Variants in CNNM2 observed in about 807,000 individuals in gnomAD.
CNNM2 encodes the protein cyclin and CBS domain divalent metal cation transport mediator 2.
In CNNM2, 12 loss-of-function variants were observed where a neutral mutation model predicts 66.9. The observed-to-expected ratio is 0.18, with a 90% confidence interval of 0.11 to 0.29. CNNM2 has a LOEUF of 0.29. Among genes scored for constraint, CNNM2 ranks in the 10% least tolerant of loss-of-function variants. The pLI is 1.00. For missense variants in CNNM2, 705 were observed against 1,167.7 expected (o/e 0.60, Z 5.77); for synonymous variants, 557 against 501.8 (o/e 1.11, Z -1.47).
chr10:103,044,834 A>G (rs1392115664), intron 1 of CNNM2, among the ~76,000 whole-genome samples: 1 of 152,212 alleles, frequency 6.6e-6, no homozygotes, highest in Non-Finnish European at 1.5e-5. Context: ...GGAAAACTTA[A>G]TTTTCAGTGT....
rs1358489792 is a variant in CNNM2 at position 103,077,718 on chromosome 10, TGAA to T, written c.*544_*546del. On this transcript the variant is annotated 3_prime_UTR_variant, in exon 8 of 8. Transcript: ENST00000369878. ...ATCACCGTCGATCTCGCTGGCTGAATGAAGAAGACCGTGTTACTGCAGAACCTG... is the reference window on the plus strand; with the variant it reads ...ATCACCGTCGATCTCGCTGGCTGAATGAAGACCGTGTTACTGCAGAACCTG... 1.9e-5 allele frequency: 3 copies of T among 157,810 alleles called. No homozygotes were observed. The highest frequency in any genetic ancestry group is 2.8e-5 in the Non-Finnish European group (2 of 71,236). The allele number at this position is 157,810 out of a possible 1,614,324, so 9.8% of individuals were successfully genotyped here.
chr10:103,041,260 G>C (rs1590444842), intron 1 of CNNM2, among the ~76,000 whole-genome samples: 3 of 152,132 alleles, frequency 2.0e-5, no homozygotes, highest in East Asian at 3.9e-4. Flanking sequence ...TAGTTTTCCA[G>C]GTATACACAA....
chr10:102,957,638 C>T (rs181593479), intron 1 of CNNM2, among the ~76,000 whole-genome samples: 3 of 152,306 alleles, frequency 2.0e-5, no homozygotes, highest in Admixed American at 6.5e-5. Flanking sequence ...TAACCTTTAT[C>T]TCAGGATTCC....
At chr10:102,971,834 T>C (rs2063551620) in intron 1 of CNNM2, among the ~76,000 whole-genome samples, 1 of 152,226 alleles carries the variant, frequency 6.6e-6, no homozygotes, top group Admixed American at 6.5e-5. Flanking sequence ...TTTTCTTTTT[T>C]TGGCCTATTT....
rs1000947566 is a variant in CNNM2, at chr10:103,081,357, C to T, written c.*4177C>T. 2.6e-5 allele frequency: 4 copies of T among 152,274 alleles called. No individual in the cohort carries two copies. The highest frequency in any genetic ancestry group is 9.7e-5 in the African/African-American group (4 of 41,428). 9.4% of individuals were successfully genotyped at this position (152,274 alleles called of 1,614,324 possible). A position where few individuals can be genotyped will look rare whatever the true frequency, so the allele number is the denominator to read the frequency against. ...GGGCCATGTAGTTCCATTCTGGGCT[C>T]TAGGCTAGTGGTGCTTCTGTCCATC... On this transcript the variant is annotated 3_prime_UTR_variant, in exon 8 of 8. Transcript: ENST00000369878.
At chr10:103,071,695 C>A (rs2065586173) in intron 5 of CNNM2, 79 bp from the exon 6 acceptor site, 3 of 1,052,470 alleles carry the variant, frequency 2.9e-6, no homozygotes, top group Non-Finnish European at 4.5e-6. Flanking sequence ...GAACAAGTAT[C>A]CCCTCCTGTC....
chr10:103,069,518 G>T (rs1309762837), intron 5 of CNNM2, among the ~76,000 whole-genome samples: 4 of 152,218 alleles, frequency 2.6e-5, no homozygotes, highest in African/African-American at 9.7e-5. Context: ...GAATGAGGTT[G>T]TTGCTATATA....
rs573070641 is a variant in CNNM2 at position 103,033,726 on chromosome 10, C to T, written c.1622-15981C>T. ...GGTCTCGAACTCCTAACCTTGTGAT[C>T]CGCCTGCCTCGGCCTCCCAAAGTGC... On this transcript the variant is annotated intron_variant, in intron 1 of 7. Coordinates refer to ENST00000369878, the MANE Select transcript of CNNM2 (RefSeq NM_017649.5). 6.6e-5 allele frequency among the ~76,000 whole-genome samples: 10 copies of T among 152,192 alleles called. No homozygotes were observed. The East Asian group carries it at 1.7e-3, about 27-fold the overall frequency.
intron 1 of CNNM2, among the ~76,000 whole-genome samples, chr10:103,016,676 T>C (rs905158916): frequency 1.3e-5 from 2 of 152,228 alleles, no homozygotes; most frequent in Admixed American, 6.5e-5. Context: ...ATTAACCAAT[T>C]CGATCCTGGT....
chr10:103,059,296 A>C (rs1199440427), intron 4 of CNNM2, among the ~76,000 whole-genome samples: 1 of 152,160 alleles, frequency 6.6e-6, no homozygotes, highest in Admixed American at 6.5e-5. Context: ...CAAGAGCACT[A>C]AATAAGAAAA....
intron 1 of CNNM2, among the ~76,000 whole-genome samples, chr10:102,976,725 C>G (rs2063640635): frequency 6.7e-6 from 1 of 148,376 alleles, no homozygotes; most frequent in East Asian, 2.0e-4. Context: ...ACCTTGGCCT[C>G]CCAAAGTGCT....
At chr10:102,931,716 A>G (rs907843349) in intron 1 of CNNM2, among the ~76,000 whole-genome samples, 1 of 152,140 alleles carries the variant, frequency 6.6e-6, no homozygotes, top group Non-Finnish European at 1.5e-5. Context: ...GCTGGATCAT[A>G]TGGTAATTCT....
At chr10:102,924,160 G>A (rs957888686) in intron 1 of CNNM2, among the ~76,000 whole-genome samples, 2 of 152,216 alleles carry the variant, frequency 1.3e-5, no homozygotes, top group African/African-American at 4.8e-5. Flanking sequence ...CTAGAGCAAT[G>A]TAGTGTAGGG....
intron 1 of CNNM2, among the ~76,000 whole-genome samples, chr10:102,955,735 A>G (rs1847010140): frequency 6.6e-6 from 1 of 152,260 alleles, no homozygotes; most frequent in Non-Finnish European, 1.5e-5. Flanking sequence ...GACACTTCTC[A>G]AAAGAAGACA....
Position 102,927,314 on chromosome 10 carries a change from TTG to T in CNNM2, c.1621+7215_1621+7216del, listed in dbSNP as rs753704645. 4 of 1,613,278 alleles carry T rather than the reference TTG, an allele frequency of 2.5e-6. No homozygotes were observed. The South Asian group carries it at 3.3e-5, about 13-fold the overall frequency. Reference sequence around the variant, plus strand: ...GGATTGAATACAGTTTTTTAAAGTATTGTCTTTTCATCTCTTTTTGTTTTTCT... The same window carrying T: ...GGATTGAATACAGTTTTTTAAAGTATTCTTTTCATCTCTTTTTGTTTTTCT... On this transcript the variant is annotated intron_variant, in intron 1 of 7. Transcript: ENST00000369878.
intron 1 of CNNM2, among the ~76,000 whole-genome samples, chr10:102,929,311 A>G (rs191670340): frequency 1.1e-3 from 168 of 152,266 alleles, no homozygotes; most frequent in Non-Finnish European, 1.9e-3. Context: ...CATGTCTGTA[A>G]TCCCAGCACT....
Position 103,072,378 on chromosome 10 carries a change from C to T in CNNM2, c.2233+539C>T, listed in dbSNP as rs183226330. ...TCTTCCCACATCCGTGTGAGTGGAG[C>T]GCGAGCGCCTCTGCTGTCCGCCAGG... On this transcript the variant is annotated intron_variant, in intron 6 of 7. Transcript: ENST00000369878. Among the ~76,000 whole-genome samples, 330 of 152,300 alleles carry T rather than the reference C, an allele frequency of 2.2e-3. 3 individuals are homozygous for T. The highest frequency in any genetic ancestry group is 1.0e-3 in the African/African-American group (42 of 41,560).
rs960441868 is a variant in CNNM2 at position 103,089,971 on chromosome 10, C to T, written c.*12791C>T. On this transcript the variant is annotated 3_prime_UTR_variant, in exon 8 of 8. Coordinates refer to ENST00000369878, the MANE Select transcript of CNNM2 (RefSeq NM_017649.5). ...GAGCAAAGTAGCTACTCCCCAAATC[C>T]TAACCCCTCTCCTCTGTTAGGTGGC... The T allele has an allele frequency of 7.3e-7, 1 of 1,361,254 alleles. No homozygotes were observed. The highest frequency in any genetic ancestry group is 1.0e-6 in the Non-Finnish European group (1 of 996,142). The allele number at this position is 1,361,254 out of a possible 1,614,324, so 84.3% of individuals were successfully genotyped here.
chr10:102,919,175 C>T lies in CNNM2; in HGVS notation c.695C>T (p.Thr232Ile), dbSNP rs1397067318. ...CCGCCGCCCCCGTGGGCCGAGACCACCTGGATTTACCACGACGGCGAGGAC... is the reference window on the plus strand; with the variant it reads ...CCGCCGCCCCCGTGGGCCGAGACCATCTGGATTTACCACGACGGCGAGGAC... Reference protein sequence around the residue: ...GLPPPPWAETTWIYHDGEDTK... With the variant: ...GLPPPPWAETIWIYHDGEDTK... Residue 232 changes from threonine (T) to isoleucine (I), a missense_variant, in exon 1 of 8, where the codon ACC becomes ATC. Coordinates refer to ENST00000369878, the MANE Select transcript of CNNM2 (RefSeq NM_017649.5). 6.2e-7 allele frequency: 1 copy of T among 1,611,584 alleles called. No homozygotes were observed.
Sources: gnomAD v4.1 joint callset for allele counts (sites outside exome capture counted in the v4.1 genomes callset) on GRCh38, gnomAD v4.1.1 for gene constraint, MANE v1.5 for transcripts, NCBI Gene and HGNC (gene_info 2026-07-23, HGNC 2026-07-21) for gene names.